The following SRPK1 variants were observed in gnomAD, a reference collection of about 807,000 sequenced individuals.
SRPK1 encodes the protein SFRS protein kinase 1.
In SRPK1, 52 loss-of-function variants were observed where a neutral mutation model predicts 89.5. The ratio of observed to expected loss-of-function variants is 0.58; its 90% CI spans 0.46 to 0.73. SRPK1 has a LOEUF of 0.73. SRPK1 is among the 30% of genes least tolerant of loss of function. The pLI is 0.00. For missense variants in SRPK1, 603 were observed against 780.6 expected, an observed-to-expected ratio of 0.77 and a Z score of 2.71; for synonymous variants, 255 against 270.2, an observed-to-expected ratio of 0.94 and a Z score of 0.55.
At chr6:35,855,030 G>A (rs1193036417) in intron 13 of SRPK1, among the ~76,000 whole-genome samples, 4 of 152,160 alleles carry the variant, frequency 2.6e-5, no homozygotes, top group Non-Finnish European at 4.4e-5. Flanking sequence ...GGCCCAGCGC[G>A]GTGGCTCACA....
At position 35,835,384 on chromosome 6, in the gene SRPK1, A is replaced by C. The variant is rs774107188; in HGVS notation, c.1888T>G (p.Leu630Val). 1.2e-6 allele frequency: 2 copies of C among 1,613,884 alleles called. No individual in the cohort carries two copies. The highest frequency in any genetic ancestry group is 8.5e-7 in the Non-Finnish European group (1 of 1,179,848). The stretch of plus-strand genomic sequence containing the variant: ...GGGATCAGCTCCAACATGGGCAGTA[A>C]GAAATCTGTGAAGCCAGCTGCCTCT... ...QEEAAGFTDF[L>V]LPMLELIPEK... The change falls in exon 16 of 16, where the codon TTA (leucine) becomes GTA (valine). Residue 630 changes from leucine (L) to valine (V), a missense_variant. Leu to Val is a conservative substitution (Grantham distance 32, BLOSUM62 1). Transcript: ENST00000373825.
At chr6:35,862,053 C>A (rs926081967) in intron 12 of SRPK1, among the ~76,000 whole-genome samples, 1 of 152,094 alleles carries the variant, frequency 6.6e-6, no homozygotes, top group Non-Finnish European at 1.5e-5. Context: ...AGGGACTAGC[C>A]CCCTCCGACC....
intron 7 of SRPK1, among the ~76,000 whole-genome samples, chr6:35,873,385 T>C (rs1770076569): frequency 6.6e-6 from 1 of 152,344 alleles, no homozygotes; most frequent in Non-Finnish European, 1.5e-5. Flanking sequence ...TTTCTAATTA[T>C]TATAGGAGGC....
rs1254427136 is a variant in SRPK1 at position 35,897,068 on chromosome 6, GGTGA to G, written c.75-6059_75-6056del. On this transcript the variant is annotated intron_variant, in intron 2 of 15. Coordinates refer to ENST00000373825, the MANE Select transcript of SRPK1 (RefSeq NM_003137.5). The stretch of plus-strand genomic sequence containing the variant: ...CCAGGGTCTGAGTAAAGCGAGTAAT[GGTGA>G]GTGACTACTAATGGGTTTGGAGTTT... Among the ~76,000 whole-genome samples, 6 of 152,298 alleles carry G rather than the reference GGTGA, an allele frequency of 3.9e-5. No individual in the cohort carries two copies. In the East Asian group the frequency reaches 1.2e-3, roughly 29 times the overall value.
intron 2 of SRPK1, among the ~76,000 whole-genome samples, chr6:35,919,699 T>C (rs1771185775): frequency 6.6e-6 from 1 of 152,192 alleles, no homozygotes. Context: ...CTTTTGAACT[T>C]GCCACGATAG....
In SRPK1 at chr6:35,842,622, C is replaced by T; in HGVS notation, c.1621-18G>A. The stretch of plus-strand genomic sequence containing the variant: ...TCAAAGGCCTAAAAAAAAAAGAGGA[C>T]AGTATATGAAAGCACAAAAGAAAAG... On this transcript the variant is annotated intron_variant, in intron 13 of 15. Transcript: ENST00000373825. The T allele has an allele frequency of 6.3e-7, 1 of 1,589,642 alleles. No homozygotes were observed. The highest frequency in any genetic ancestry group is 8.6e-7 in the Non-Finnish European group (1 of 1,169,418).
At chr6:35,847,833 TA>T (rs1464154210) in intron 13 of SRPK1, among the ~76,000 whole-genome samples, 2 of 152,144 alleles carry the variant, frequency 1.3e-5, no homozygotes. Context: ...ATTTTTATTT[TA>T]TTTTTTTTTT....
In SRPK1 at chr6:35,835,450, G is replaced by A; in HGVS notation, c.1822C>T (p.Leu608Phe). 6.2e-7 allele frequency: 1 copy of A among 1,613,644 alleles called. No individual in the cohort carries two copies. Reference protein sequence around the residue: ...KHITKLKPWGLFEVLVEKYEW... With the variant: ...KHITKLKPWGFFEVLVEKYEW... ...TACTTCTCCACTAGAACCTCAAAAA[G>A]GCCCCAAGGTTTCAGCTTCGTGATA... The change falls in exon 16 of 16, where the codon CTT (leucine) becomes TTT (phenylalanine). Residue 608 changes from leucine (L) to phenylalanine (F), a missense_variant. By Grantham distance (22) the Leu-to-Phe change is conservative. Coordinates refer to ENST00000373825, the MANE Select transcript of SRPK1 (RefSeq NM_003137.5).
chr6:35,836,204 G>A (rs1294215345), intron 15 of SRPK1, among the ~76,000 whole-genome samples: 1 of 152,102 alleles, frequency 6.6e-6, no homozygotes, highest in African/African-American at 2.4e-5. Flanking sequence ...GTGAACTGCA[G>A]TAGGGATCTA....
chr6:35,920,368 C>A (rs777637324), intron 2 of SRPK1, 100 bp downstream of exon 2: 1 of 1,368,068 alleles, frequency 7.3e-7, no homozygotes, highest in East Asian at 2.4e-5. Context: ...GCTGCAGCCA[C>A]AGGGTGCCCA....
At chr6:35,901,382 G>T (rs1376215913) in intron 2 of SRPK1, among the ~76,000 whole-genome samples, 1 of 152,192 alleles carries the variant, frequency 6.6e-6, no homozygotes, top group African/African-American at 2.4e-5. Context: ...GGAAGATGAT[G>T]TGAAGAGACA....
In SRPK1 at chr6:35,869,607, G is replaced by A. The variant is rs1337849310; in HGVS notation, c.1286C>T (p.Ser429Phe). 1.8e-5 allele frequency: 29 copies of A among 1,613,858 alleles called. No homozygotes were observed. The highest frequency in any genetic ancestry group is 2.4e-5 in the Non-Finnish European group (28 of 1,179,894). ...GAATGACTGACCTACAGTTGAGGAAGACTGGCACACCATGGTGTCTGACAC... is the reference window on the plus strand; with the variant it reads ...GAATGACTGACCTACAGTTGAGGAAAACTGGCACACCATGGTGTCTGACAC... The part of the protein sequence containing the change: ...SEVSDTMVCQ[S>F]SSTVGQSFSE... Residue 429 changes from serine (S) to phenylalanine (F), a missense_variant, in exon 11 of 16, where the codon TCT becomes TTT. Coordinates refer to ENST00000373825, the MANE Select transcript of SRPK1 (RefSeq NM_003137.5).
chr6:35,909,414 G>A (rs1770915669), intron 2 of SRPK1, among the ~76,000 whole-genome samples: 1 of 152,212 alleles, frequency 6.6e-6, no homozygotes, highest in South Asian at 2.1e-4. Flanking sequence ...TTGTATCTTG[G>A]AAGTAACTAA....
chr6:35,891,517 C>G (rs985186644), intron 2 of SRPK1, among the ~76,000 whole-genome samples: 1 of 151,894 alleles, frequency 6.6e-6, no homozygotes, highest in Non-Finnish European at 1.5e-5. Context: ...GTCAGGAGTT[C>G]GAAACCAGTC....
In SRPK1 at chr6:35,870,324, G is replaced by A. The variant is rs771145508; in HGVS notation, c.948C>T (p.Pro316=). ...QEESESPVER[P]LKENPPNKMT... ...TTTTATTAGGTGGGTTCTCTTTCAA[G>A]GGTCTTTCAACAGGACTCTCTGATT... is the stretch of plus-strand genomic sequence containing the variant. The change falls in exon 10 of 16, where the codon CCC becomes CCT. Residue 316 remains proline, a synonymous_variant. Coordinates refer to ENST00000373825, the MANE Select transcript of SRPK1 (RefSeq NM_003137.5). 1.2e-6 allele frequency: 2 copies of A among 1,613,416 alleles called. No homozygotes were observed. Among genetic ancestry groups the A allele is most frequent in the African/African-American group, 1.3e-5 (1 of 74,908 alleles).
chr6:35,885,971 T>C (rs904957677), intron 6 of SRPK1, among the ~76,000 whole-genome samples: 1 of 152,202 alleles, frequency 6.6e-6, no homozygotes, highest in African/African-American at 2.4e-5. Context: ...TCACAGCCTC[T>C]TCAAAGTTGA....
chr6:35,913,449 G>A (rs111880064), intron 2 of SRPK1, among the ~76,000 whole-genome samples: 219 of 150,000 alleles, frequency 1.5e-3, no homozygotes, highest in Non-Finnish European at 2.2e-3. Context: ...AGCCGAGATC[G>A]CGCCACTACA....
intron 2 of SRPK1, among the ~76,000 whole-genome samples, chr6:35,919,810 C>T (rs1224348056): frequency 1.3e-5 from 2 of 152,210 alleles, no homozygotes; most frequent in African/African-American, 4.8e-5. Context: ...TCTCCCGTTA[C>T]TATTGTGATG....
intron 2 of SRPK1, among the ~76,000 whole-genome samples, chr6:35,907,743 G>A (rs1366672036): frequency 6.6e-6 from 1 of 152,032 alleles, no homozygotes; most frequent in Non-Finnish European, 1.5e-5. Flanking sequence ...TAAGTAAGAT[G>A]GAGTGAACAC....
Sources: gnomAD v4.1 joint callset for allele counts (sites outside exome capture counted in the v4.1 genomes callset) on GRCh38, gnomAD v4.1.1 for gene constraint, MANE v1.5 for transcripts, NCBI Gene and HGNC (gene_info 2026-07-23, HGNC 2026-07-21) for gene names.